Variants in FOXP2 observed in about 807,000 individuals in gnomAD.
FOXP2 encodes forkhead box protein P2.
A neutral mutation model predicts 115.8 loss-of-function variants in FOXP2; 12 were observed. The observed-to-expected ratio is 0.10, with a 90% CI of 0.07 to 0.17. The LOEUF (loss-of-function observed/expected upper bound fraction) is 0.17. Among genes scored for constraint, FOXP2 ranks in the 10% least tolerant of loss-of-function variants. The pLI is 1.00. For synonymous variants in FOXP2, 328 were observed against 297.7 expected, an observed-to-expected ratio of 1.10 and a Z score of -1.05; for missense variants, 629 against 843.5, an observed-to-expected ratio of 0.75 and a Z score of 3.15.
At chr7:114,293,854 TTCATAGGAGCGTGAGAACAGAC>T (rs1285654752) in intron 2 of FOXP2, among the ~76,000 whole-genome samples, 29 of 152,322 alleles carry the variant, frequency 1.9e-4, no homozygotes, top group African/African-American at 6.7e-4. Context: ...GAGGTATTTC[TTCATAGGAGCGTGAGAACAGAC>T]TCATACAAGA....
intron 2 of FOXP2, among the ~76,000 whole-genome samples, chr7:114,303,975 G>GAA (rs1796941042): frequency 6.6e-6 from 1 of 151,908 alleles, no homozygotes; most frequent in Non-Finnish European, 1.5e-5. Flanking sequence ...ATATTGATGA[G>GAA]AATAAGTATG....
intron 2 of FOXP2, among the ~76,000 whole-genome samples, chr7:114,495,281 A>G (rs1822923252): frequency 6.6e-6 from 1 of 152,142 alleles, no homozygotes; most frequent in African/African-American, 2.4e-5. Flanking sequence ...GCTTCATTGC[A>G]ATTGCAAGGT....
intron 1 of FOXP2, among the ~76,000 whole-genome samples, chr7:114,130,070 T>C (rs769193595): frequency 6.6e-6 from 1 of 152,088 alleles, no homozygotes; most frequent in Non-Finnish European, 1.5e-5. Context: ...TCCCAGCACA[T>C]TGGGAGACAA....
rs548734304 is a variant in FOXP2 at position 114,274,884 on chromosome 7, G to A, written c.-101-13135G>A. On this transcript the variant is annotated intron_variant, in intron 1 of 17. Transcript: ENST00000634411. Reference sequence around the variant, plus strand: ...TACCTAGGCTGGTCTGGAACTCCTAGTCTCAAGCAATCCGCTCACCTCAGC... The same window carrying A: ...TACCTAGGCTGGTCTGGAACTCCTAATCTCAAGCAATCCGCTCACCTCAGC... Among the ~76,000 whole-genome samples the A allele has an allele frequency of 1.4e-4, 21 of 151,840 alleles. No individual in the cohort carries two copies. The South Asian group carries it at 4.2e-3, about 30-fold the overall frequency.
At chr7:114,194,751 A>T (rs1304739526) in intron 1 of FOXP2, among the ~76,000 whole-genome samples, 1 of 152,118 alleles carries the variant, frequency 6.6e-6, no homozygotes, top group Non-Finnish European at 1.5e-5. Context: ...TTCTAACTGT[A>T]TACAAAATAT....
chr7:114,257,818 G>A (rs1795659668), intron 1 of FOXP2, among the ~76,000 whole-genome samples: 1 of 152,128 alleles, frequency 6.6e-6, no homozygotes, highest in Non-Finnish European at 1.5e-5. Flanking sequence ...TGCTTTGGGG[G>A]AAAAATGTTC....
intron 1 of FOXP2, among the ~76,000 whole-genome samples, chr7:114,278,335 A>G (rs773652923): frequency 6.6e-6 from 1 of 152,078 alleles, no homozygotes; most frequent in Non-Finnish European, 1.5e-5. Flanking sequence ...ATTTCATTTC[A>G]TAAGCCATAT....
chr7:114,637,417 A>T, intron 6 of FOXP2, among the ~76,000 whole-genome samples: 1 of 152,292 alleles, frequency 6.6e-6, no homozygotes, highest in South Asian at 2.1e-4. Context: ...GAAATAAGAG[A>T]AACCGAATAA....
intron 1 of FOXP2, among the ~76,000 whole-genome samples, chr7:114,186,020 C>T (rs1407507681): frequency 6.6e-6 from 1 of 151,908 alleles, no homozygotes; most frequent in Non-Finnish European, 1.5e-5. Context: ...TGGACTTACC[C>T]TTTTATAATG....
intron 1 of FOXP2, among the ~76,000 whole-genome samples, chr7:114,166,784 T>A (rs1161872504): frequency 6.6e-6 from 1 of 152,114 alleles, no homozygotes; most frequent in African/African-American, 2.4e-5. Context: ...TATACCTAAC[T>A]AAAGAAGATT....
rs191956323 is a variant in FOXP2, at chr7:114,471,766, A to T, written c.168+45087A>T. Among the ~76,000 whole-genome samples, 709 of 151,520 alleles carry T rather than the reference A, an allele frequency of 4.7e-3. 11 individuals are homozygous for T. Among genetic ancestry groups the T allele is most frequent in the African/African-American group, 0.016 (664 of 41,274 alleles). On this transcript the variant is annotated intron_variant, in intron 2 of 16. Transcript: ENST00000350908. Reference sequence around the variant, plus strand: ...GGAATTTGAGACCAGCCTGGCCAACATGGTGAAACCCCATCTCCACTAAAA... The same window carrying T: ...GGAATTTGAGACCAGCCTGGCCAACTTGGTGAAACCCCATCTCCACTAAAA...
At chr7:114,516,007 G>T (rs927216452) in intron 2 of FOXP2, among the ~76,000 whole-genome samples, 2 of 152,116 alleles carry the variant, frequency 1.3e-5, no homozygotes, top group African/African-American at 4.8e-5. Context: ...TAGATTCAAT[G>T]CCATCCCCAT....
At chr7:114,312,553 G>A (rs1012555516) in intron 2 of FOXP2, among the ~76,000 whole-genome samples, 1 of 152,126 alleles carries the variant, frequency 6.6e-6, no homozygotes, top group African/African-American at 2.4e-5. Flanking sequence ...GTTGGGTTTA[G>A]GGTATGAGTT....
chr7:114,646,668 T>C (rs1023875045), intron 8 of FOXP2, among the ~76,000 whole-genome samples: 3 of 151,996 alleles, frequency 2.0e-5, no homozygotes, highest in African/African-American at 7.2e-5. Flanking sequence ...AACTCAAAGA[T>C]CTGTGATAAA....
intron 1 of FOXP2, among the ~76,000 whole-genome samples, chr7:114,174,566 T>C (rs1274058255): frequency 6.6e-6 from 1 of 152,052 alleles, no homozygotes; most frequent in Non-Finnish European, 1.5e-5. Flanking sequence ...AATATACTGC[T>C]CCATCTTGAT....
chr7:114,513,875 G>C (rs1798194986), intron 2 of FOXP2, among the ~76,000 whole-genome samples: 1 of 151,934 alleles, frequency 6.6e-6, no homozygotes, highest in Admixed American at 6.6e-5. Flanking sequence ...AGGCATACAG[G>C]AAATGGCAAA....
intron 2 of FOXP2, among the ~76,000 whole-genome samples, chr7:114,311,272 A>G (rs984682812): frequency 3.3e-5 from 5 of 152,110 alleles, no homozygotes; most frequent in African/African-American, 1.2e-4. Flanking sequence ...TTCCCCCTCA[A>G]GAGTCCAAGA....
chr7:114,688,897 C>T (rs1585031411), intron 16 of FOXP2, among the ~76,000 whole-genome samples: 1 of 152,206 alleles, frequency 6.6e-6, no homozygotes, highest in South Asian at 2.1e-4. Context: ...CTCACCAGCC[C>T]TGCATATTAA....
intron 2 of FOXP2, among the ~76,000 whole-genome samples, chr7:114,495,929 T>C (rs1349076552): frequency 3.3e-5 from 5 of 152,196 alleles, no homozygotes; most frequent in Non-Finnish European, 5.9e-5. Flanking sequence ...AAGTAGAATT[T>C]TAGTTGCCAA....
Sources: gnomAD v4.1 joint callset for allele counts (sites outside exome capture counted in the v4.1 genomes callset) on GRCh38, gnomAD v4.1.1 for gene constraint, MANE v1.5 for transcripts, NCBI Gene and HGNC (gene_info 2026-07-23, HGNC 2026-07-21) for gene names.